The following KCTD16 variants were observed in gnomAD, a reference collection of about 807,000 sequenced individuals.
The protein encoded by KCTD16 is potassium channel tetramerization domain containing 16, also known as BTB/POZ domain-containing protein KCTD16.
A neutral mutation model predicts 33.2 loss-of-function variants in KCTD16; 13 were observed. The ratio of observed to expected loss-of-function variants is 0.39; its 90% confidence interval spans 0.25 to 0.62. The LOEUF (loss-of-function observed/expected upper bound fraction) is 0.62. Among genes scored for constraint, KCTD16 ranks in the 20% least tolerant of loss-of-function variants. KCTD16 has a pLI of 0.50. For synonymous variants in KCTD16, 197 were observed against 195.3 expected, an observed-to-expected ratio of 1.01 and a Z score of -0.07; for missense variants, 441 against 525.1, an observed-to-expected ratio of 0.84 and a Z score of 1.57.
intron 3 of KCTD16, among the ~76,000 whole-genome samples, chr5:144,403,092 T>C (rs1275788442): frequency 6.6e-6 from 1 of 152,166 alleles, no homozygotes; most frequent in Non-Finnish European, 1.5e-5. Context: ...TCCTCCTGCC[T>C]CCCTCTTGGG....
intron 3 of KCTD16, among the ~76,000 whole-genome samples, chr5:144,357,246 G>C (rs184942): frequency 0.21 from 32,437 of 152,164 alleles, 3,922 homozygotes; most frequent in Non-Finnish European, 0.27. Flanking sequence ...CAGCTGAAGA[G>C]TTAAAAAGGG....
intron 3 of KCTD16, among the ~76,000 whole-genome samples, chr5:144,248,080 C>G (rs1754599426): frequency 6.6e-6 from 1 of 152,166 alleles, no homozygotes; most frequent in African/African-American, 2.4e-5. Context: ...CCTTATGGAG[C>G]TTTCTTTCCA....
chr5:144,330,761 C>T (rs10063805), intron 3 of KCTD16, among the ~76,000 whole-genome samples: 8,836 of 152,204 alleles, frequency 0.058, 866 homozygotes, highest in African/African-American at 0.2. Flanking sequence ...AATTGAAGCT[C>T]ACATCCAAGG....
At chr5:144,174,840 A>G (rs1752466981) in intron 2 of KCTD16, among the ~76,000 whole-genome samples, 2 of 152,236 alleles carry the variant, frequency 1.3e-5, no homozygotes, top group African/African-American at 4.8e-5. Flanking sequence ...TATAAGCAAT[A>G]TTGTAAATAC....
chr5:144,414,832 G>T (rs973372604), intron 3 of KCTD16, among the ~76,000 whole-genome samples: 1 of 152,080 alleles, frequency 6.6e-6, no homozygotes, highest in South Asian at 2.1e-4. Flanking sequence ...CTACCAATGA[G>T]AGCCTTGTAT....
chr5:144,379,088 T>G (rs1752155608), intron 3 of KCTD16, among the ~76,000 whole-genome samples: 1 of 152,190 alleles, frequency 6.6e-6, no homozygotes, highest in Non-Finnish European at 1.5e-5. Flanking sequence ...TTCAGCATAT[T>G]TTGTGCTCAA....
chr5:144,435,936 C>T (rs1443588522), intron 3 of KCTD16, among the ~76,000 whole-genome samples: 1 of 152,096 alleles, frequency 6.6e-6, no homozygotes, highest in African/African-American at 2.4e-5. Context: ...AGTACTTCAG[C>T]ATTTCTCTGC....
rs1397325712 is a variant in KCTD16, at chr5:144,478,786, A to T, written c.*4672A>T. The T allele has an allele frequency of 6.6e-6, 1 of 152,034 alleles. No individual in the cohort carries two copies. The highest frequency in any genetic ancestry group is 1.5e-5 in the Non-Finnish European group (1 of 67,956). 9.4% of individuals were successfully genotyped at this position (152,034 alleles called of 1,614,324 possible). On this transcript the variant is annotated 3_prime_UTR_variant, in exon 4 of 4. Transcript: ENST00000512467. ...CTACAAATAAGTCAAAGCATGCATT[A>T]TTCATTATCTTAAGAGAAAACACCC...
chr5:144,290,094 A>C (rs989720911), intron 3 of KCTD16, among the ~76,000 whole-genome samples: 3 of 152,192 alleles, frequency 2.0e-5, no homozygotes, highest in Admixed American at 6.5e-5. Context: ...CAGCCTGGGC[A>C]ACATGGTGAA....
intron 3 of KCTD16, among the ~76,000 whole-genome samples, chr5:144,364,913 G>A (rs1751797815): frequency 6.6e-6 from 1 of 151,980 alleles, no homozygotes; most frequent in African/African-American, 2.4e-5. Flanking sequence ...TGGGTAGTAG[G>A]TTGATTTCAT....
At chr5:144,352,950 C>A (rs1245280665) in intron 3 of KCTD16, among the ~76,000 whole-genome samples, 1 of 152,166 alleles carries the variant, frequency 6.6e-6, no homozygotes, top group African/African-American at 2.4e-5. Flanking sequence ...ACTGGTAAAT[C>A]ACATTTAATT....
chr5:144,175,089 T>C (rs746154780), intron 2 of KCTD16, among the ~76,000 whole-genome samples: 8 of 152,166 alleles, frequency 5.3e-5, no homozygotes, highest in South Asian at 4.1e-4. Flanking sequence ...AAATGAAGCA[T>C]TTGAAAAATA....
At chr5:144,207,851 G>A (rs1753237330) in intron 3 of KCTD16, among the ~76,000 whole-genome samples, 1 of 152,218 alleles carries the variant, frequency 6.6e-6, no homozygotes, top group Admixed American at 6.5e-5. Flanking sequence ...ATATTGAATT[G>A]AGAAAATAAG....
In KCTD16 at chr5:144,216,882, A is replaced by G. The variant is rs540327937; in HGVS notation, c.832+9336A>G. ...AAAAGAAAAAGAGAGAGAGACTCTC[A>G]GGCTGTTTGGCTGTTTTAGACAACA... On this transcript the variant is annotated intron_variant, in intron 3 of 3. Transcript: ENST00000512467. 4.0e-5 allele frequency among the ~76,000 whole-genome samples: 6 copies of G among 151,808 alleles called. No individual in the cohort carries two copies. The East Asian group carries it at 9.7e-4, about 25-fold the overall frequency.
chr5:144,350,265 TA>T (rs1008395264), intron 3 of KCTD16, among the ~76,000 whole-genome samples: 1 of 152,092 alleles, frequency 6.6e-6, no homozygotes, highest in Non-Finnish European at 1.5e-5. Flanking sequence ...TCAAGCCACA[TA>T]AAAAAATTAA....
chr5:144,339,123 A>G (rs10077358), intron 3 of KCTD16, among the ~76,000 whole-genome samples: 8,596 of 152,234 alleles, frequency 0.056, 806 homozygotes, highest in African/African-American at 0.19. Flanking sequence ...CCTATTATTT[A>G]TCAAGCCCTT....
rs537825878 is a variant in KCTD16, at chr5:144,269,663, C to T, written c.832+62117C>T. On this transcript the variant is annotated intron_variant, in intron 3 of 3. Transcript: ENST00000512467. Reference sequence around the variant, plus strand: ...TCAAAGCTGTATGAAGAAACAAATACCTCAATAAAGGTAAATACAGGGGCC... The same window carrying T: ...TCAAAGCTGTATGAAGAAACAAATATCTCAATAAAGGTAAATACAGGGGCC... 4.6e-5 allele frequency among the ~76,000 whole-genome samples: 7 copies of T among 152,096 alleles called. No homozygotes were observed. The South Asian group carries it at 1.5e-3, about 32-fold the overall frequency.
chr5:144,382,531 C>T lies in KCTD16; in HGVS notation c.833-91129C>T, dbSNP rs193167623. On this transcript the variant is annotated intron_variant, in intron 3 of 3. Transcript: ENST00000512467. The stretch of plus-strand genomic sequence containing the variant: ...ATTGAGCTCACTATAGTTAGTTGTT[C>T]CATACTCAGTATTGAATGAATGAAT... Among the ~76,000 whole-genome samples, 608 of 152,226 alleles carry T rather than the reference C, an allele frequency of 4.0e-3. 1 individual carries two copies. Among genetic ancestry groups the T allele is most frequent in the Middle Eastern group, 0.01 (3 of 294 alleles).
chr5:144,446,829 G>A (rs1202172887), intron 3 of KCTD16, among the ~76,000 whole-genome samples: 2 of 152,160 alleles, frequency 1.3e-5, no homozygotes, highest in African/African-American at 4.8e-5. Context: ...CTGGTCATTA[G>A]AGAAATGCAA....
Sources: gnomAD v4.1 joint callset for allele counts (sites outside exome capture counted in the v4.1 genomes callset) on GRCh38, gnomAD v4.1.1 for gene constraint, MANE v1.5 for transcripts, NCBI Gene and HGNC (gene_info 2026-07-23, HGNC 2026-07-21) for gene names.